GBE1: variants seen among roughly 807,000 people sequenced by gnomAD.
GBE1 encodes 1,4-alpha-glucan-branching enzyme.
Under a neutral mutation model 88.8 loss-of-function variants are expected in GBE1, and 70 were observed. The observed-to-expected ratio is 0.79, with a 90% CI of 0.65 to 0.96. The LOEUF is 0.96. Ranked by LOEUF, GBE1 falls within the 40% of genes least tolerant of loss-of-function variation. The pLI, the probability that GBE1 is intolerant of heterozygous loss-of-function variation, is 0.00. For missense variants in GBE1, 872 were observed against 871.0 expected (o/e 1.00, Z -0.01); for synonymous variants, 284 against 300.1 (o/e 0.95, Z 0.56).
chr3:81,659,656 A>G (rs1262519602), intron 3 of GBE1, among the ~76,000 whole-genome samples: 1 of 151,816 alleles, frequency 6.6e-6, no homozygotes, highest in Admixed American at 6.6e-5. Context: ...CCCCTAAGCA[A>G]TCATTCTAAG....
intron 1 of GBE1, among the ~76,000 whole-genome samples, chr3:81,760,899 A>G (rs1706670792): frequency 6.6e-6 from 1 of 152,272 alleles, no homozygotes; most frequent in South Asian, 2.1e-4. Flanking sequence ...TGCCTGAAGG[A>G]ATCCTCTTAG....
intron 2 of GBE1, among the ~76,000 whole-genome samples, chr3:81,697,058 T>C (rs1315504598): frequency 6.6e-6 from 1 of 152,040 alleles, no homozygotes; most frequent in Non-Finnish European, 1.5e-5. Flanking sequence ...ATCCCACAGG[T>C]TGGGGGCTCA....
At chr3:81,527,723 GC>G (rs1426638947) in intron 14 of GBE1, among the ~76,000 whole-genome samples, 1 of 152,098 alleles carries the variant, frequency 6.6e-6, no homozygotes, top group Non-Finnish European at 1.5e-5. Flanking sequence ...AACAACAGGT[GC>G]TGGAGAGGAT....
intron 14 of GBE1, among the ~76,000 whole-genome samples, chr3:81,512,799 A>G (rs1487852743): frequency 6.6e-6 from 1 of 151,854 alleles, no homozygotes; most frequent in African/African-American, 2.4e-5. Flanking sequence ...AATGTAAGTA[A>G]AAGTATTCGC....
At chr3:81,716,241 T>G (rs1209428291) in intron 1 of GBE1, among the ~76,000 whole-genome samples, 1 of 152,170 alleles carries the variant, frequency 6.6e-6, no homozygotes, top group African/African-American at 2.4e-5. Context: ...TTGGCTACTT[T>G]CAGTCTCAAA....
intron 1 of GBE1, among the ~76,000 whole-genome samples, chr3:81,737,389 T>TATA (rs1706279427): frequency 5.6e-5 from 2 of 35,836 alleles, no homozygotes; most frequent in Non-Finnish European, 1.2e-4. Context: ...TTATATATAT[T>TATA]TATATAAATA....
At chr3:81,500,022 T>C (rs1230252548) in intron 14 of GBE1, among the ~76,000 whole-genome samples, 1 of 152,178 alleles carries the variant, frequency 6.6e-6, no homozygotes, top group Non-Finnish European at 1.5e-5. Context: ...ATCATTAATC[T>C]CAGAAATGTT....
chr3:81,713,070 G>A (rs893992464), intron 1 of GBE1, among the ~76,000 whole-genome samples: 8 of 152,226 alleles, frequency 5.3e-5, no homozygotes, highest in Middle Eastern at 3.4e-3. Flanking sequence ...ATTCAGTTAC[G>A]TGAAACAAGA....
chr3:81,555,898 TCAA>T (rs1703341078), intron 12 of GBE1, among the ~76,000 whole-genome samples: 1 of 152,146 alleles, frequency 6.6e-6, no homozygotes. Flanking sequence ...CTTGTCTTCT[TCAA>T]CGACACACAA....
At chr3:81,702,190 G>A (rs1023465018) in intron 2 of GBE1, among the ~76,000 whole-genome samples, 1 of 147,458 alleles carries the variant, frequency 6.8e-6, no homozygotes, top group African/African-American at 2.5e-5. Context: ...TTATCTAAGA[G>A]TATATTTTCA....
chr3:81,685,673 C>T (rs1014946112), intron 2 of GBE1, among the ~76,000 whole-genome samples: 2 of 152,110 alleles, frequency 1.3e-5, no homozygotes, highest in Admixed American at 6.6e-5. Context: ...TGAGCCATTG[C>T]GCTCAGCGAT....
chr3:81,508,395 T>C (rs894188810), intron 14 of GBE1, among the ~76,000 whole-genome samples: 4 of 152,162 alleles, frequency 2.6e-5, no homozygotes, highest in African/African-American at 9.6e-5. Context: ...CCTTTAGGAT[T>C]ATCCAAAGAA....
intron 1 of GBE1, among the ~76,000 whole-genome samples, chr3:81,731,870 C>T (rs1367629203): frequency 1.3e-5 from 2 of 152,206 alleles, no homozygotes; most frequent in East Asian, 3.9e-4. Context: ...ACAAGTTACT[C>T]AGTTTCAGGT....
chr3:81,507,148 A>C (rs988552361), intron 14 of GBE1, among the ~76,000 whole-genome samples: 2 of 151,998 alleles, frequency 1.3e-5, no homozygotes, highest in Non-Finnish European at 2.9e-5. Flanking sequence ...CTTTATGATT[A>C]TATTTCTTTC....
intron 7 of GBE1, among the ~76,000 whole-genome samples, chr3:81,632,655 A>G (rs1053466317): frequency 2.6e-5 from 4 of 152,158 alleles, no homozygotes; most frequent in African/African-American, 7.2e-5. Context: ...AGATTCCTCA[A>G]GGATCTAGAA....
chr3:81,728,834 G>T (rs1266780114), intron 1 of GBE1, among the ~76,000 whole-genome samples: 1 of 151,766 alleles, frequency 6.6e-6, no homozygotes, highest in Non-Finnish European at 1.5e-5. Context: ...CTAATTAAAT[G>T]TTTCTCATTA....
At chr3:81,587,081 C>G (rs949701547) in intron 9 of GBE1, among the ~76,000 whole-genome samples, 6 of 152,202 alleles carry the variant, frequency 3.9e-5, no homozygotes, top group Admixed American at 2.0e-4. Context: ...CGACAACAGG[C>G]ACAAGCCACC....
At chr3:81,712,570 T>C (rs1705884186) in intron 1 of GBE1, among the ~76,000 whole-genome samples, 1 of 151,872 alleles carries the variant, frequency 6.6e-6, no homozygotes, top group African/African-American at 2.4e-5. Context: ...ACACCGCATG[T>C]TCTCACTCAT....
At chr3:81,614,508 G>C (rs113019323) in intron 7 of GBE1, among the ~76,000 whole-genome samples, 1 of 152,166 alleles carries the variant, frequency 6.6e-6, no homozygotes, top group Non-Finnish European at 1.5e-5. Context: ...AGGCCAAGGC[G>C]GGGGCTGGGG....
Sources: gnomAD v4.1 joint callset for allele counts (sites outside exome capture counted in the v4.1 genomes callset) on GRCh38, gnomAD v4.1.1 for gene constraint, MANE v1.5 for transcripts, NCBI Gene and HGNC (gene_info 2026-07-23, HGNC 2026-07-21) for gene names.